Variants in PCGF3 observed in about 807,000 individuals in gnomAD.
PCGF3 encodes the protein polycomb group ring finger 3, also known as polycomb group RING finger protein 3.
PCGF3 carries 7 observed loss-of-function variants against 33.1 expected under a neutral mutation model. The observed-to-expected ratio is 0.21, with a 90% CI of 0.12 to 0.40. PCGF3 has a LOEUF of 0.40. Ranked by LOEUF, PCGF3 falls within the 10% of genes least tolerant of loss-of-function variation. The probability of loss-of-function intolerance (pLI) is 1.00; values close to 1 mark genes in which losing one functional copy is unlikely to be tolerated. For missense variants in PCGF3, 211 were observed against 313.3 expected (o/e 0.67, Z 2.46); for synonymous variants, 153 against 121.3 (o/e 1.26, Z -1.72).
intron 8 of PCGF3, among the ~76,000 whole-genome samples, chr4:754,716 T>A (rs565155331): frequency 6.6e-6 from 1 of 152,192 alleles, no homozygotes; most frequent in African/African-American, 2.4e-5. Context: ...GGATGTGAGA[T>A]CGGGGTGTGC....
chr4:752,368 CT>C (rs1052751456), intron 8 of PCGF3, among the ~76,000 whole-genome samples: 1 of 152,240 alleles, frequency 6.6e-6, no homozygotes, highest in African/African-American at 2.4e-5. Flanking sequence ...TTGCTCTCAT[CT>C]TTTTTTAAGT....
intron 4 of PCGF3, chr4:734,508 A>G: frequency 1.6e-6 from 2 of 1,213,530 alleles, no homozygotes; most frequent in Non-Finnish European, 2.1e-6. Context: ...TCGTATTTTT[A>G]GATATTGGTT....
chr4:744,516 A>T, intron 7 of PCGF3, 84 bp from the exon 8 acceptor site: 1 of 1,021,796 alleles, frequency 9.8e-7, no homozygotes, highest in Non-Finnish European at 1.5e-6. Context: ...TGAATTTTTG[A>T]CGGCATTTGG....
intron 9 of PCGF3, 50 bp from the exon 10 acceptor site, chr4:764,934 G>T: frequency 3.9e-6 from 5 of 1,294,928 alleles, no homozygotes; most frequent in Non-Finnish European, 5.6e-6. Flanking sequence ...GGCCATGTCA[G>T]TGTGGGTTGA....
chr4:740,091 G>T (rs1223837560), intron 6 of PCGF3, among the ~76,000 whole-genome samples: 2 of 152,250 alleles, frequency 1.3e-5, no homozygotes, highest in Non-Finnish European at 2.9e-5. Flanking sequence ...TTTATCTGTG[G>T]TGCAGACAAT....
At chr4:714,224 C>T (rs527883418) in intron 1 of PCGF3, among the ~76,000 whole-genome samples, 43 of 152,352 alleles carry the variant, frequency 2.8e-4, no homozygotes, top group Middle Eastern at 3.4e-3. Flanking sequence ...CTGAGAGGTG[C>T]GTTCTGTGGT....
At chr4:741,740 C>A (rs1744101051) in intron 6 of PCGF3, among the ~76,000 whole-genome samples, 1 of 152,186 alleles carries the variant, frequency 6.6e-6, no homozygotes, top group South Asian at 2.1e-4. Flanking sequence ...ATACACCTGA[C>A]ACTGAGTGCT....
At chr4:728,209 A>G (rs1743406927) in intron 1 of PCGF3, among the ~76,000 whole-genome samples, 2 of 152,372 alleles carry the variant, frequency 1.3e-5, no homozygotes, top group African/African-American at 4.8e-5. Context: ...GTCAACACAG[A>G]TTGAAAATGT....
intron 1 of PCGF3, among the ~76,000 whole-genome samples, chr4:726,444 G>C (rs1743336796): frequency 6.6e-6 from 1 of 152,226 alleles, no homozygotes; most frequent in Non-Finnish European, 1.5e-5. Context: ...GCCAGGCCCT[G>C]GTCTAGGTTG....
exon 11 of PCGF3, chr4:769,503 T>TTC (rs1294375412): frequency 1.3e-5 from 2 of 152,724 alleles, no homozygotes; most frequent in Non-Finnish European, 2.9e-5. Context: ...ATCAATGTAT[T>TTC]TCTCTGCCTT....
intron 6 of PCGF3, among the ~76,000 whole-genome samples, chr4:741,025 G>A (rs1744067467): frequency 6.6e-6 from 1 of 152,216 alleles, no homozygotes; most frequent in Non-Finnish European, 1.5e-5. Context: ...GGATTATTTT[G>A]TTGTTGAACT....
In PCGF3 at chr4:720,915, G is replaced by C. The variant is rs376437875; in HGVS notation, c.-189-9715G>C. The stretch of plus-strand genomic sequence containing the variant: ...ATTAGTGCGAGGGCGGCTTGGAGAA[G>C]CCTGTCCTGGGCGGGTTTCACCACT... On this transcript the variant is annotated intron_variant, in intron 1 of 10. Coordinates refer to ENST00000362003, the Ensembl canonical transcript of PCGF3. This position sits in a 1 kb window ranked among gnomAD's most constrained non-coding sequence, Gnocchi z 5.6. Among the ~76,000 whole-genome samples, 26 of 152,290 alleles carry C rather than the reference G, an allele frequency of 1.7e-4. No individual in the cohort carries two copies. Among genetic ancestry groups the C allele is most frequent in the African/African-American group, 6.3e-4 (26 of 41,568 alleles).
intron 10 of PCGF3, among the ~76,000 whole-genome samples, 174 bp from the exon 11 acceptor site, chr4:765,858 C>T: frequency 6.6e-6 from 1 of 152,160 alleles, no homozygotes; most frequent in South Asian, 2.1e-4. Context: ...GCCCGTCTTC[C>T]CCCAGCAACT....
intron 1 of PCGF3, among the ~76,000 whole-genome samples, chr4:707,484 G>T (rs1742359846): frequency 6.7e-6 from 1 of 148,414 alleles, no homozygotes; most frequent in African/African-American, 2.5e-5. Context: ...TCCCCTGGGG[G>T]CCGGGACCCT....
chr4:717,983 G>T (rs1431101731), intron 1 of PCGF3, among the ~76,000 whole-genome samples: 1 of 152,230 alleles, frequency 6.6e-6, no homozygotes, highest in African/African-American at 2.4e-5. Flanking sequence ...GTGGGGCCTG[G>T]TGTGGCAGAG....
chr4:737,279 A>C (rs1397101523), intron 5 of PCGF3, among the ~76,000 whole-genome samples, 187 bp from the exon 6 acceptor site: 1 of 152,230 alleles, frequency 6.6e-6, no homozygotes, highest in African/African-American at 2.4e-5. Context: ...AGCCCAAGTT[A>C]AATGACGCGT....
intron 5 of PCGF3, 89 bp from the exon 6 acceptor site, chr4:737,377 T>A: frequency 1.1e-6 from 1 of 884,718 alleles, no homozygotes; most frequent in Non-Finnish European, 1.9e-6. Context: ...GACTGGTGAT[T>A]CTGAACTTTG....
At chr4:766,008 A>G (rs999753615) in intron 10 of PCGF3, 24 bp from the exon 11 acceptor site, 1 of 1,612,508 alleles carries the variant, frequency 6.2e-7, no homozygotes, top group Non-Finnish European at 8.5e-7. Context: ...CTAAGCAGGC[A>G]CTGTGCGTTC....
intron 1 of PCGF3, chr4:723,724 G>C (rs1422156185): frequency 6.5e-6 from 1 of 153,230 alleles, no homozygotes. Flanking sequence ...GCCGAGAGCT[G>C]AGCGGGCAGC....
Sources: gnomAD v4.1 joint callset for allele counts (sites outside exome capture counted in the v4.1 genomes callset) on GRCh38, gnomAD v4.1.1 for gene constraint, Gnocchi (gnomAD v3.1) non-coding constraint, MANE v1.5 for transcripts, NCBI Gene and HGNC (gene_info 2026-07-23, HGNC 2026-07-21) for gene names.